The following PTGFRN variants were observed in gnomAD, a reference collection of about 807,000 sequenced individuals.
PTGFRN encodes the protein prostaglandin F2 receptor negative regulator.
A neutral mutation model predicts 83.2 loss-of-function variants in PTGFRN; 35 were observed. The ratio of observed to expected loss-of-function variants is 0.42; its 90% confidence interval spans 0.32 to 0.56. The LOEUF (loss-of-function observed/expected upper bound fraction) is 0.56. Among genes scored for constraint, PTGFRN ranks in the 20% least tolerant of loss-of-function variants. PTGFRN has a pLI of 0.11. For synonymous variants in PTGFRN, 519 were observed against 498.6 expected, an observed-to-expected ratio of 1.04 and a Z score of -0.55; for missense variants, 1,051 against 1,179.5, an observed-to-expected ratio of 0.89 and a Z score of 1.60.
chr1:116,969,120 G>GT (rs35570677), intron 6 of PTGFRN, among the ~76,000 whole-genome samples: 1,758 of 137,110 alleles, frequency 0.013, 20 homozygotes, highest in Admixed American at 0.013. Flanking sequence ...CAGTTTATCT[G>GT]TTTTTTTTTT....
chr1:116,956,641 G>A (rs1650505672), intron 4 of PTGFRN, among the ~76,000 whole-genome samples: 1 of 152,214 alleles, frequency 6.6e-6, no homozygotes, highest in African/African-American at 2.4e-5. Context: ...TGGGTGCTGC[G>A]GCTGGGTGCA....
intron 4 of PTGFRN, among the ~76,000 whole-genome samples, chr1:116,951,174 G>T (rs376306358): frequency 4.6e-5 from 7 of 152,128 alleles, no homozygotes; most frequent in South Asian, 4.1e-4. Flanking sequence ...TTTGAAGTAC[G>T]TGTGCATTGA....
chr1:116,914,587 A>G (rs1213051682), intron 1 of PTGFRN, among the ~76,000 whole-genome samples: 3 of 152,080 alleles, frequency 2.0e-5, no homozygotes, highest in Non-Finnish European at 4.4e-5. Context: ...CCCCATCTCT[A>G]CTAAAAAATA....
Position 116,923,278 on chromosome 1 carries a change from T to C in PTGFRN, c.49+13026T>C, listed in dbSNP as rs554535017. On this transcript the variant is annotated intron_variant, in intron 1 of 8. Transcript: ENST00000393203. This position sits in a 1 kb window ranked among gnomAD's most constrained non-coding sequence, Gnocchi z 4.0. ...ATTTAAAATTGTGGACGTTAAGTTA[T>C]AACAGGGGCAGAAGATATCTATGTG... Among the ~76,000 whole-genome samples, 6 of 152,356 alleles carry C rather than the reference T, an allele frequency of 3.9e-5. No homozygotes were observed. The South Asian group carries it at 1.0e-3, about 26-fold the overall frequency.
chr1:116,941,782 G>C lies in PTGFRN; in HGVS notation c.117G>C (p.Leu39=). 2 of 1,614,194 alleles carry C rather than the reference G, an allele frequency of 1.2e-6. No homozygotes were observed. Among genetic ancestry groups the C allele is most frequent in the South Asian group, 2.2e-5 (2 of 91,082 alleles). The stretch of plus-strand genomic sequence containing the variant: ...TGGTTCGAGTGGTGGGCACTGAGCT[G>C]GTCATCCCCTGCAACGTCAGTGACT... ...ATLVRVVGTE[L]VIPCNVSDYD... The change falls in exon 2 of 9, where the codon CTG becomes CTC. Residue 39 remains leucine, a synonymous_variant. Coordinates refer to ENST00000393203, the MANE Select transcript of PTGFRN (RefSeq NM_020440.4). This position sits in a 1 kb window ranked among gnomAD's most constrained non-coding sequence, Gnocchi z 5.0.
intron 1 of PTGFRN, among the ~76,000 whole-genome samples, chr1:116,940,918 C>A (rs557133766): frequency 7.9e-5 from 12 of 152,218 alleles, no homozygotes; most frequent in Non-Finnish European, 1.3e-4. Context: ...CTCACAGGTG[C>A]CAGTTGTAGG....
intron 4 of PTGFRN, among the ~76,000 whole-genome samples, chr1:116,957,336 T>C (rs910768916): frequency 6.6e-6 from 1 of 151,830 alleles, no homozygotes; most frequent in Non-Finnish European, 1.5e-5. Context: ...TTTTCATGTC[T>C]GGGGGAGTGA....
intron 1 of PTGFRN, among the ~76,000 whole-genome samples, chr1:116,930,248 A>G (rs1031419992): frequency 3.3e-5 from 5 of 152,244 alleles, no homozygotes; most frequent in Non-Finnish European, 5.9e-5. Flanking sequence ...CTTGGCTGCT[A>G]GGGCATAAGC....
In PTGFRN at chr1:116,941,163, AT is replaced by A. The variant is rs1650049095; in HGVS notation, c.50-551del. The stretch of plus-strand genomic sequence containing the variant: ...AAATAGAAAATTAATACTTGGTAAA[AT>A]CATCATATTTTAAAATTAATTTATA... On this transcript the variant is annotated intron_variant, in intron 1 of 8. Coordinates refer to ENST00000393203, the MANE Select transcript of PTGFRN (RefSeq NM_020440.4). This position sits in a 1 kb window ranked among gnomAD's most constrained non-coding sequence, Gnocchi z 5.0. Among the ~76,000 whole-genome samples, 2 of 152,366 alleles carry A rather than the reference AT, an allele frequency of 1.3e-5. No homozygotes were observed. The highest frequency in any genetic ancestry group is 4.8e-5 in the African/African-American group (2 of 41,594).
At chr1:116,981,297 G>T (rs2101090573) in intron 7 of PTGFRN, among the ~76,000 whole-genome samples, 1 of 152,210 alleles carries the variant, frequency 6.6e-6, no homozygotes, top group Non-Finnish European at 1.5e-5. Context: ...CTTGTCTCCT[G>T]CATGCTTTGA....
rs897613533 is a variant in PTGFRN at position 116,949,319 on chromosome 1, G to A, written c.960G>A (p.Met320Ile). The change falls in exon 4 of 9, where the codon ATG becomes ATA. Residue 320 changes from methionine to isoleucine, a missense_variant. This residue lies in a region of PTGFRN where 719 missense variants were observed against 836.6 expected (regional missense o/e 0.86). Coordinates refer to ENST00000393203, the MANE Select transcript of PTGFRN (RefSeq NM_020440.4). ...RPEVTWSFSR[M>I]PDSTLPGSRV... ...AGGTGACGTGGTCCTTCAGCAGGAT[G>A]CCTGACAGCACCCTACCTGGCTCCC... The A allele has an allele frequency of 6.2e-7, 1 of 1,614,166 alleles. No individual in the cohort carries two copies. Among genetic ancestry groups the A allele is most frequent in the African/African-American group, 1.3e-5 (1 of 74,952 alleles).
chr1:116,968,533 A>G (rs1650904477), intron 6 of PTGFRN, among the ~76,000 whole-genome samples: 1 of 152,142 alleles, frequency 6.6e-6, no homozygotes, highest in Non-Finnish European at 1.5e-5. Flanking sequence ...TTTGTTTTTA[A>G]TAGCAGCTTT....
chr1:116,986,750 CG>C, intron 8 of PTGFRN, 50 bp from the exon 9 acceptor site: 1 of 1,566,426 alleles, frequency 6.4e-7, no homozygotes, highest in Non-Finnish European at 8.7e-7. Flanking sequence ...GCCCCCAAAG[CG>C]GCCTCCCTCG....
rs1036508557 is a variant in PTGFRN, at chr1:116,942,152, T to C, written c.418+69T>C. 5 of 1,522,216 alleles carry C rather than the reference T, an allele frequency of 3.3e-6. No homozygotes were observed. In the African/African-American group the frequency reaches 5.6e-5, roughly 17 times the overall value. The allele number at this position is 1,522,216 out of a possible 1,614,324, so 94.3% of individuals were successfully genotyped here. ...TCTCTGCCCCTGGGCTGTGGTGGAC[T>C]TTGTCAAGAGACTTAATTTCTCTGA... is the stretch of plus-strand genomic sequence containing the variant. On this transcript the variant is annotated intron_variant, in intron 2 of 8. Transcript: ENST00000393203.
intron 7 of PTGFRN, among the ~76,000 whole-genome samples, chr1:116,975,357 G>C (rs1651115654): frequency 6.6e-6 from 1 of 152,190 alleles, no homozygotes; most frequent in African/African-American, 2.4e-5. Flanking sequence ...GTCCCTGTCT[G>C]ACAGCTTTGA....
Position 116,918,891 on chromosome 1 carries a change from A to C in PTGFRN, c.49+8639A>C, listed in dbSNP as rs906601042. Among the ~76,000 whole-genome samples the C allele has an allele frequency of 6.6e-6, 1 of 152,204 alleles. No individual in the cohort carries two copies. Among genetic ancestry groups the C allele is most frequent in the African/African-American group, 2.4e-5 (1 of 41,458 alleles). On this transcript the variant is annotated intron_variant, in intron 1 of 8. Transcript: ENST00000393203. This position sits in a 1 kb window ranked among gnomAD's most constrained non-coding sequence, Gnocchi z 4.1. ...GAGAACATCACAGGAAAGATTAGCC[A>C]AGGAGTACACGTGGGATAGGCAGGT...
intron 5 of PTGFRN, among the ~76,000 whole-genome samples, chr1:116,963,774 ATTT>A (rs35747028): frequency 7.0e-6 from 1 of 142,590 alleles, no homozygotes. Flanking sequence ...CATTCAGCTA[ATTT>A]TTTTTTTTTT....
At chr1:116,982,718 A>G (rs1484377700) in intron 7 of PTGFRN, among the ~76,000 whole-genome samples, 2 of 152,142 alleles carry the variant, frequency 1.3e-5, no homozygotes, top group Non-Finnish European at 2.9e-5. Flanking sequence ...GCATGAGTGT[A>G]CTGCAGAGTA....
At chr1:116,959,350 C>T (rs1051150673) in intron 4 of PTGFRN, among the ~76,000 whole-genome samples, 5 of 152,132 alleles carry the variant, frequency 3.3e-5, no homozygotes, top group East Asian at 1.9e-4. Flanking sequence ...CATCACAGTA[C>T]GATGTACTCC....
Sources: allele counts gnomAD v4.1 joint callset (sites outside exome capture counted in the v4.1 genomes callset), GRCh38; gene constraint gnomAD v4.1.1; regional missense constraint gnomAD v4.1.1; non-coding constraint Gnocchi (gnomAD v3.1); transcripts MANE v1.5; gene names NCBI Gene and HGNC (gene_info 2026-07-23, HGNC 2026-07-21).